Variants in EPHA6 observed in about 807,000 individuals in gnomAD.
EPHA6 encodes the protein ephrin type-A receptor 6.
EPHA6 carries 50 observed loss-of-function variants against 112.0 expected under a neutral mutation model. The observed-to-expected ratio is 0.45, with a 90% CI of 0.36 to 0.56. The LOEUF (loss-of-function observed/expected upper bound fraction) is 0.56, where lower values mean the gene tolerates loss of function less well. EPHA6 is among the 20% of genes least tolerant of loss of function. EPHA6 has a pLI of 0.00. For missense variants in EPHA6, 1,280 were observed against 1,417.4 expected, an observed-to-expected ratio of 0.90 and a Z score of 1.56; for synonymous variants, 529 against 490.7, an observed-to-expected ratio of 1.08 and a Z score of -1.03.
In EPHA6 at chr3:97,474,916, A is replaced by G. The variant is rs558086491; in HGVS notation, c.1895-436A>G. On this transcript the variant is annotated intron_variant, in intron 7 of 17. Coordinates refer to ENST00000389672, the MANE Select transcript of EPHA6 (RefSeq NM_001080448.3). ...AAGTATAAAGAACATCATTCTTAAA[A>G]GGAATTATACAGTAGTCTTTCTACT... Among the ~76,000 whole-genome samples the G allele has an allele frequency of 4.6e-5, 7 of 152,206 alleles. No homozygotes were observed. In the South Asian group the frequency reaches 1.2e-3, roughly 27 times the overall value.
In EPHA6 at chr3:97,532,347, C is replaced by T. The variant is rs749232715; in HGVS notation, c.2201-11C>T. 21 of 1,589,504 alleles carry T rather than the reference C, an allele frequency of 1.3e-5. No homozygotes were observed. The highest frequency in any genetic ancestry group is 1.8e-5 in the Non-Finnish European group (21 of 1,168,864). ...GTTTAATCAAATAACTGCTTTTGTT[C>T]ATATTTTAAGGTGAATTTGGAGAAG... On this transcript the variant is annotated splice_polypyrimidine_tract_variant and intron_variant, in intron 10 of 17. Transcript: ENST00000389672.
intron 3 of EPHA6, among the ~76,000 whole-genome samples, chr3:97,195,319 G>A (rs949245708): frequency 1.3e-5 from 2 of 151,934 alleles, no homozygotes; most frequent in African/African-American, 4.8e-5. Context: ...TTAAACTGAT[G>A]ACAACTTAAC....
chr3:97,303,804 A>G (rs1458345093), intron 5 of EPHA6, among the ~76,000 whole-genome samples: 1 of 152,036 alleles, frequency 6.6e-6, no homozygotes, highest in Non-Finnish European at 1.5e-5. Context: ...AAAATTACAA[A>G]TAAATCAAGG....
intron 2 of EPHA6, among the ~76,000 whole-genome samples, chr3:96,986,708 G>A (rs2043035014): frequency 1.3e-5 from 2 of 152,254 alleles, no homozygotes; most frequent in South Asian, 4.1e-4. Flanking sequence ...TAAAGGCAGA[G>A]AGTTTTTGTT....
chr3:97,010,979 C>T (rs946923133), intron 3 of EPHA6, among the ~76,000 whole-genome samples: 7 of 151,476 alleles, frequency 4.6e-5, no homozygotes, highest in African/African-American at 1.2e-4. Context: ...GTATGTGGTG[C>T]GTGTGTGTGT....
chr3:96,883,301 G>A (rs1576230090), intron 2 of EPHA6, among the ~76,000 whole-genome samples: 1 of 152,112 alleles, frequency 6.6e-6, no homozygotes, highest in East Asian at 1.9e-4. Flanking sequence ...TAAGTTTGTT[G>A]TAGATTCTGG....
intron 6 of EPHA6, among the ~76,000 whole-genome samples, chr3:97,415,188 T>A (rs1263913597): frequency 6.6e-6 from 1 of 151,918 alleles, no homozygotes; most frequent in Non-Finnish European, 1.5e-5. Flanking sequence ...GTTGAAAGAG[T>A]CATTAGGAGT....
intron 6 of EPHA6, among the ~76,000 whole-genome samples, chr3:97,432,917 A>G (rs181218952): frequency 1.3e-5 from 2 of 152,288 alleles, no homozygotes; most frequent in African/African-American, 4.8e-5. Flanking sequence ...GATTATAGGG[A>G]TTACAACAGG....
chr3:97,521,488 C>T (rs538355320), intron 10 of EPHA6, among the ~76,000 whole-genome samples: 1 of 152,174 alleles, frequency 6.6e-6, no homozygotes, highest in Non-Finnish European at 1.5e-5. Context: ...CTCAAGGCAG[C>T]AGGACAGAGA....
chr3:97,492,547 C>CAAAAAAA lies in EPHA6; in HGVS notation c.2200+8529_2200+8535dup. Reference sequence around the variant, plus strand: ...ACAGAGCGAGAGTGAGACTCAGTCTCAAAAAAAAAAAAAAAAAAAAAAAAA... The same window carrying CAAAAAAA: ...ACAGAGCGAGAGTGAGACTCAGTCTCAAAAAAAAAAAAAAAAAAAAAAAAAAAAAAAA... On this transcript the variant is annotated intron_variant, in intron 10 of 17. Coordinates refer to ENST00000389672, the MANE Select transcript of EPHA6 (RefSeq NM_001080448.3). Among the ~76,000 whole-genome samples the CAAAAAAA allele has an allele frequency of 9.7e-4, 28 of 28,944 alleles. 10 individuals are homozygous for CAAAAAAA. The highest frequency in any genetic ancestry group is 4.9e-3 in the East Asian group (2 of 412). The allele number at this position is 28,944 out of a possible 152,430, so 19.0% of individuals were successfully genotyped here. A position where few individuals can be genotyped will look rare whatever the true frequency, so the allele number is the denominator to read the frequency against.
chr3:96,953,949 T>G (rs2041657586), intron 2 of EPHA6, among the ~76,000 whole-genome samples: 1 of 152,104 alleles, frequency 6.6e-6, no homozygotes, highest in African/African-American at 2.4e-5. Flanking sequence ...CTCAGCTCAC[T>G]GCAACCTCTG....
intron 11 of EPHA6, among the ~76,000 whole-genome samples, chr3:97,534,292 C>T (rs1297307373): frequency 6.6e-6 from 1 of 151,990 alleles, no homozygotes; most frequent in Non-Finnish European, 1.5e-5. Context: ...GTATACGTTA[C>T]CATTTCATTC....
At chr3:97,718,798 T>A (rs1415372127) in intron 14 of EPHA6, among the ~76,000 whole-genome samples, 1 of 152,178 alleles carries the variant, frequency 6.6e-6, no homozygotes, top group Non-Finnish European at 1.5e-5. Context: ...GATATGTGGT[T>A]ACAGAATCCC....
chr3:96,880,115 A>T (rs78022058), intron 2 of EPHA6, among the ~76,000 whole-genome samples: 2,359 of 152,050 alleles, frequency 0.016, 60 homozygotes, highest in African/African-American at 0.047. Context: ...TAAAAAATTT[A>T]AAAAAATAAC....
chr3:97,599,676 A>G (rs1436647474), intron 12 of EPHA6, among the ~76,000 whole-genome samples: 1 of 151,924 alleles, frequency 6.6e-6, no homozygotes, highest in African/African-American at 2.4e-5. Context: ...GTAGCCTTGT[A>G]GTATAGTTTG....
intron 5 of EPHA6, among the ~76,000 whole-genome samples, chr3:97,377,886 A>G (rs1559937176): frequency 2.6e-5 from 4 of 152,134 alleles, no homozygotes; most frequent in Admixed American, 2.6e-4. Flanking sequence ...AGGGAAAGAG[A>G]GCATAAAAGT....
chr3:97,069,891 T>C (rs1232100511), intron 3 of EPHA6, among the ~76,000 whole-genome samples: 13 of 152,120 alleles, frequency 8.5e-5, no homozygotes, highest in Admixed American at 7.9e-4. Context: ...TAAAAATACA[T>C]TTTCTATATA....
At chr3:97,227,435 G>T (rs2078394108) in intron 4 of EPHA6, among the ~76,000 whole-genome samples, 1 of 152,092 alleles carries the variant, frequency 6.6e-6, no homozygotes, top group South Asian at 2.1e-4. Context: ...TGGCCAGGCT[G>T]GTCTCGAACT....
At chr3:96,915,007 A>T (rs1245638413) in intron 2 of EPHA6, among the ~76,000 whole-genome samples, 10 of 149,058 alleles carry the variant, frequency 6.7e-5, no homozygotes, top group Admixed American at 6.6e-4. Context: ...AATATTAAAT[A>T]CTACTGTGAT....
Sources: gnomAD v4.1 joint callset for allele counts (sites outside exome capture counted in the v4.1 genomes callset) on GRCh38, gnomAD v4.1.1 for gene constraint, MANE v1.5 for transcripts, NCBI Gene and HGNC (gene_info 2026-07-23, HGNC 2026-07-21) for gene names.